The following CFAP45 variants were observed in gnomAD, a reference collection of about 807,000 sequenced individuals.
CFAP45 encodes the protein cilia- and flagella-associated protein 45.
CFAP45 carries 43 observed loss-of-function variants against 75.6 expected under a neutral mutation model. That is an observed-to-expected ratio of 0.57 (90% CI 0.45 to 0.73). The LOEUF is 0.73. CFAP45 is among the 30% of genes least tolerant of loss of function. CFAP45 has a pLI of 0.00. For synonymous variants in CFAP45, 223 were observed against 244.6 expected, an observed-to-expected ratio of 0.91 and a Z score of 0.82; for missense variants, 689 against 701.5, an observed-to-expected ratio of 0.98 and a Z score of 0.20.
intron 7 of CFAP45, among the ~76,000 whole-genome samples, chr1:159,882,474 C>T (rs1649570773): frequency 1.3e-5 from 2 of 152,076 alleles, no homozygotes; most frequent in Non-Finnish European, 2.9e-5. Context: ...AAGGACTTTC[C>T]CTGTTTCTTT....
chr1:159,890,534 TCCA>T lies in CFAP45; in HGVS notation c.215_217del (p.Leu72_Asp73delinsTyr), dbSNP rs1649800624. On this transcript the variant is annotated inframe_deletion, in exon 3 of 12. Coordinates refer to ENST00000368099, the MANE Select transcript of CFAP45 (RefSeq NM_012337.3). ...GAGCTGGATGGTCTCTGGCTTGCGA[TCCA>T]AGCCCAAAGCAGTGAGAGTTTTTTG... 6.2e-7 allele frequency: 1 copy of T among 1,614,038 alleles called. No individual in the cohort carries two copies. The highest frequency in any genetic ancestry group is 1.1e-5 in the South Asian group (1 of 91,068).
intron 1 of CFAP45, chr1:159,898,077 T>C: frequency 2.0e-6 from 2 of 983,154 alleles, no homozygotes; most frequent in African/African-American, 1.7e-5. Flanking sequence ...CATTCTGAGA[T>C]CTAGTTCTTC....
At chr1:159,890,664 A>G (rs769043857) in intron 2 of CFAP45, 42 bp from the exon 3 acceptor site, 1 of 1,602,890 alleles carries the variant, frequency 6.2e-7, no homozygotes, top group African/African-American at 1.3e-5. Context: ...TGTCACCCCC[A>G]CTTCCTGCTG....
intron 1 of CFAP45, chr1:159,898,007 C>T (rs1649990319): frequency 1.6e-6 from 1 of 615,176 alleles, no homozygotes; most frequent in East Asian, 1.4e-4. Flanking sequence ...ACTTCAACAC[C>T]TGTCAACTAA....
At chr1:159,876,456 G>C (rs1403091599) in intron 10 of CFAP45, 100 bp downstream of exon 10, 1 of 849,622 alleles carries the variant, frequency 1.2e-6, no homozygotes, top group African/African-American at 1.7e-5. Context: ...CAAGATCGAC[G>C]AGCATCTGTT....
intron 4 of CFAP45, 74 bp downstream of exon 4, chr1:159,888,278 C>T (rs1649741866): frequency 6.7e-7 from 1 of 1,484,950 alleles, no homozygotes; most frequent in South Asian, 1.2e-5. Flanking sequence ...TCAGGGTCCC[C>T]TGATGAGAGT....
intron 3 of CFAP45, among the ~76,000 whole-genome samples, chr1:159,889,469 A>G (rs1410106740): frequency 6.6e-6 from 1 of 152,182 alleles, no homozygotes; most frequent in East Asian, 1.9e-4. Flanking sequence ...CTTAGCCAAG[A>G]TCTTGTGTTT....
intron 5 of CFAP45, 99 bp from the exon 6 acceptor site, chr1:159,886,788 G>T: frequency 2.1e-6 from 2 of 960,560 alleles, no homozygotes; most frequent in Non-Finnish European, 1.7e-6. Context: ...GCATGCTGGA[G>T]GTGTGCATGA....
rs1047390365 is a variant in CFAP45, at chr1:159,899,368, A to G, written c.3+728T>C. On this transcript the variant is annotated intron_variant, in intron 1 of 11. Transcript: ENST00000368099. ...GCCCTGCTAACAGAAGAAAAACCTG[A>G]GGCTCGGGCACATTAGATGACTTAC... 2.0e-5 allele frequency among the ~76,000 whole-genome samples: 3 copies of G among 151,644 alleles called. No homozygotes were observed. The East Asian group carries it at 5.8e-4, about 29-fold the overall frequency.
intron 8 of CFAP45, among the ~76,000 whole-genome samples, chr1:159,879,156 C>A (rs186586164): frequency 6.6e-6 from 1 of 152,296 alleles, no homozygotes; most frequent in Non-Finnish European, 1.5e-5. Flanking sequence ...TTCATGGCGA[C>A]TCCTTATCAT....
intron 10 of CFAP45, 101 bp downstream of exon 10, chr1:159,876,455 C>A: frequency 2.4e-6 from 2 of 848,190 alleles, no homozygotes; most frequent in Non-Finnish European, 3.9e-6. Flanking sequence ...ACAAGATCGA[C>A]GAGCATCTGT....
chr1:159,898,681 G>C (rs1234343788), intron 1 of CFAP45, among the ~76,000 whole-genome samples: 1 of 152,134 alleles, frequency 6.6e-6, no homozygotes, highest in Non-Finnish European at 1.5e-5. Flanking sequence ...TTGGAAATAG[G>C]AAATTTTTAA....
intron 5 of CFAP45, 98 bp downstream of exon 5, chr1:159,887,743 A>ACCC: frequency 9.3e-7 from 1 of 1,070,836 alleles, no homozygotes; most frequent in Non-Finnish European, 1.3e-6. Context: ...CCCTGCCCAC[A>ACCC]CCCCCACCAG....
intron 1 of CFAP45, among the ~76,000 whole-genome samples, chr1:159,894,640 ACC>A (rs1042800205): frequency 3.3e-5 from 5 of 151,980 alleles, no homozygotes; most frequent in African/African-American, 1.2e-4. Context: ...TCATTTTTTA[ACC>A]CCCTACTAAC....
rs561501608 is a variant in CFAP45 at position 159,886,890 on chromosome 1, G to A, written c.589-201C>T. Among the ~76,000 whole-genome samples the A allele has an allele frequency of 2.6e-5, 4 of 152,250 alleles. No individual in the cohort carries two copies. The South Asian group carries it at 8.3e-4, about 32-fold the overall frequency. On this transcript the variant is annotated intron_variant, in intron 5 of 11. Transcript: ENST00000368099. ...CAAAGATTTACTGGCCTCCTGCTAGGTGCCAGGGTCTGTGCAAGGAGGGGC... is the reference window on the plus strand; with the variant it reads ...CAAAGATTTACTGGCCTCCTGCTAGATGCCAGGGTCTGTGCAAGGAGGGGC...
At chr1:159,889,731 G>T (rs1194752165) in intron 3 of CFAP45, among the ~76,000 whole-genome samples, 1 of 152,188 alleles carries the variant, frequency 6.6e-6, no homozygotes, top group African/African-American at 2.4e-5. Context: ...CTCAGTAAGG[G>T]GCCGCAGTCC....
chr1:159,888,410 G>A lies in CFAP45; in HGVS notation c.359C>T (p.Thr120Ile). 1 of 1,614,112 alleles carries A rather than the reference G, an allele frequency of 6.2e-7. No homozygotes were observed. ...GTCCCTGGCCTCAAGTTCTTCTCTGGTCAGGACATGGGATGCCCATTTGAT... is the reference window on the plus strand; with the variant it reads ...GTCCCTGGCCTCAAGTTCTTCTCTGATCAGGACATGGGATGCCCATTTGAT... ...ERIKWASHVLTREELEARDQA... is the reference protein window; with the variant it reads ...ERIKWASHVLIREELEARDQA... The change falls in exon 4 of 12, where the codon ACC (threonine) becomes ATC (isoleucine). Residue 120 changes from threonine to isoleucine, a missense_variant. Physicochemically the swap from Thr to Ile is moderately conservative, Grantham distance 89. Transcript: ENST00000368099.
intron 10 of CFAP45, chr1:159,876,330 T>G (rs1649401114): frequency 5.1e-6 from 3 of 585,828 alleles, no homozygotes; most frequent in South Asian, 2.1e-5. Context: ...TCATCACCAA[T>G]TCCTTAAGCA....
chr1:159,887,212 T>G (rs945053973), intron 5 of CFAP45, among the ~76,000 whole-genome samples: 1 of 151,902 alleles, frequency 6.6e-6, no homozygotes, highest in African/African-American at 2.4e-5. Flanking sequence ...CACGGGCCCA[T>G]GAATAAGAAC....
Sources: allele counts gnomAD v4.1 joint callset (sites outside exome capture counted in the v4.1 genomes callset), GRCh38; gene constraint gnomAD v4.1.1; transcripts MANE v1.5; gene names NCBI Gene and HGNC (gene_info 2026-07-23, HGNC 2026-07-21).